STIL: variants seen among roughly 807,000 people sequenced by gnomAD.
STIL encodes SCL-interrupting locus protein.
In STIL, 55 loss-of-function variants were observed where a neutral mutation model predicts 110.1. The ratio of observed to expected loss-of-function variants is 0.50; its 90% CI spans 0.40 to 0.63. The LOEUF (loss-of-function observed/expected upper bound fraction) is 0.63. Among genes scored for constraint, STIL ranks in the 20% least tolerant of loss-of-function variants. The pLI, the probability that STIL is intolerant of heterozygous loss-of-function variation, is 0.00. For synonymous variants in STIL, 481 were observed against 530.0 expected (o/e 0.91, Z 1.27); for missense variants, 1,358 against 1,530.0 (o/e 0.89, Z 1.87).
chr1:47,277,491 G>A (rs114842985), intron 12 of STIL, among the ~76,000 whole-genome samples: 3,582 of 152,190 alleles, frequency 0.024, 140 homozygotes, highest in African/African-American at 0.081. Flanking sequence ...AAACAACGAC[G>A]GTATGGTGTT....
chr1:47,261,632 T>G (rs962656901), intron 15 of STIL, among the ~76,000 whole-genome samples: 2 of 151,596 alleles, frequency 1.3e-5, no homozygotes, highest in African/African-American at 4.9e-5. Context: ...CCCAGCTACT[T>G]GAAAGGCTGA....
At chr1:47,273,896 T>C (rs1644911510) in intron 12 of STIL, among the ~76,000 whole-genome samples, 1 of 152,220 alleles carries the variant, frequency 6.6e-6, no homozygotes, top group South Asian at 2.1e-4. Flanking sequence ...ATGGCATGTG[T>C]ATTTATAGTG....
intron 2 of STIL, among the ~76,000 whole-genome samples, chr1:47,308,700 T>C (rs1646037948): frequency 6.6e-6 from 1 of 151,876 alleles, no homozygotes; most frequent in Non-Finnish European, 1.5e-5. Context: ...ACCTATTATT[T>C]GATAGCACAG....
In STIL at chr1:47,262,968, C is replaced by T. The variant is rs1557710415; in HGVS notation, c.2764G>A (p.Glu922Lys). ...NSETSEEPKIEHVMQPLLHQP... is the reference protein window; with the variant it reads ...NSETSEEPKIKHVMQPLLHQP... ...TGAAGCAAGGGTTGCATTACATGCT[C>T]AATTTTTGGTTCCTCTGATGTTTCA... The change falls in exon 15 of 17, where the codon GAG becomes AAG. Residue 922 changes from glutamate to lysine, a missense_variant. Transcript: ENST00000371877. The T allele has an allele frequency of 6.2e-7, 1 of 1,614,110 alleles. No homozygotes were observed. Among genetic ancestry groups the T allele is most frequent in the Non-Finnish European group, 8.5e-7 (1 of 1,180,026 alleles).
Position 47,290,378 on chromosome 1 carries a change from T to G in STIL, c.873-793A>C, listed in dbSNP as rs141026985. Among the ~76,000 whole-genome samples the G allele has an allele frequency of 4.6e-3, 703 of 152,148 alleles. 2 individuals carry two copies. The highest frequency in any genetic ancestry group is 0.015 in the African/African-American group (621 of 41,488). On this transcript the variant is annotated intron_variant, in intron 8 of 16. Coordinates refer to ENST00000371877, the MANE Select transcript of STIL (RefSeq NM_001048166.1). The stretch of plus-strand genomic sequence containing the variant: ...TTCTCTATGTATTTTACATTATATA[T>G]ATAGAGAGAGAGCTTGCTAGCACAA...
At chr1:47,264,403 A>C (rs1299692540) in intron 14 of STIL, among the ~76,000 whole-genome samples, 6 of 152,224 alleles carry the variant, frequency 3.9e-5, no homozygotes, top group African/African-American at 1.4e-4. Flanking sequence ...ATCTCAACAA[A>C]AGATTTAAGA....
Position 47,295,773 on chromosome 1 carries a change from C to T in STIL, c.777G>A (p.Leu259=). The change falls in exon 7 of 17, where the codon TTG becomes TTA. Residue 259 remains leucine, a synonymous_variant. Coordinates refer to ENST00000371877, the MANE Select transcript of STIL (RefSeq NM_001048166.1). ...ESDPKVYSLP[L]VGIWLSGITH... is the part of the protein sequence containing the mutation. ...AATAATGTAATACTTACATTCCCAC[C>T]AATGGTAGAGAATAAACCTTGGGAT... 6.2e-7 allele frequency: 1 copy of T among 1,609,198 alleles called. No homozygotes were observed.
Position 47,289,423 on chromosome 1 carries a change from G to A in STIL, c.1023+12C>T, listed in dbSNP as rs1645410086. The A allele has an allele frequency of 6.2e-7, 1 of 1,612,922 alleles. No homozygotes were observed. The highest frequency in any genetic ancestry group is 1.1e-5 in the South Asian group (1 of 90,988). On this transcript the variant is annotated intron_variant, in intron 9 of 16. Transcript: ENST00000371877. ...AACAGTCACTAATGTACTAGACAATGAAATCACTTACTTTGAAAAGATGTA... is the reference window on the plus strand; with the variant it reads ...AACAGTCACTAATGTACTAGACAATAAAATCACTTACTTTGAAAAGATGTA...
intron 12 of STIL, among the ~76,000 whole-genome samples, chr1:47,276,098 G>A (rs796409078): frequency 3.9e-4 from 59 of 151,948 alleles, no homozygotes; most frequent in African/African-American, 1.3e-3. Flanking sequence ...CGCCTCTGAG[G>A]TTCAAGCGAT....
In STIL at chr1:47,296,050, C is replaced by A. The variant is rs77958283; in HGVS notation, c.702-202G>T. On this transcript the variant is annotated intron_variant, in intron 6 of 16. Coordinates refer to ENST00000371877, the MANE Select transcript of STIL (RefSeq NM_001048166.1). ...GGAAGAGATTAAAGAGATTTAATAC[C>A]TTAAAACTTCCATCTATCAATTAAA... Among the ~76,000 whole-genome samples, 777 of 152,200 alleles carry A rather than the reference C, an allele frequency of 5.1e-3. 14 individuals are homozygous for A. The highest frequency in any genetic ancestry group is 0.018 in the African/African-American group (733 of 41,526).
intron 6 of STIL, among the ~76,000 whole-genome samples, chr1:47,297,833 C>T (rs1449579259): frequency 6.6e-6 from 1 of 152,074 alleles, no homozygotes; most frequent in East Asian, 1.9e-4. Flanking sequence ...TACTGAACAT[C>T]CTGGTTATTA....
chr1:47,286,544 T>TA (rs999699173), intron 10 of STIL, among the ~76,000 whole-genome samples: 7 of 150,538 alleles, frequency 4.6e-5, no homozygotes, highest in Admixed American at 1.3e-4. Flanking sequence ...CCGTCTCTAC[T>TA]AAAAAAAATA....
intron 7 of STIL, among the ~76,000 whole-genome samples, chr1:47,293,772 C>T (rs1255262933): frequency 1.3e-5 from 2 of 149,556 alleles, no homozygotes; most frequent in African/African-American, 2.4e-5. Context: ...AGATATATAT[C>T]GAGAGAGAGA....
intron 2 of STIL, among the ~76,000 whole-genome samples, 192 bp downstream of exon 2, chr1:47,310,084 C>T (rs1646078133): frequency 6.6e-6 from 1 of 152,198 alleles, no homozygotes; most frequent in Non-Finnish European, 1.5e-5. Context: ...TTACCATCCT[C>T]ATTTTACAGA....
intron 16 of STIL, among the ~76,000 whole-genome samples, chr1:47,260,055 T>G (rs964323267): frequency 6.6e-6 from 1 of 152,134 alleles, no homozygotes; most frequent in African/African-American, 2.4e-5. Flanking sequence ...CTCAAATTAC[T>G]TATGTATGTA....
intron 13 of STIL, among the ~76,000 whole-genome samples, chr1:47,271,683 G>A (rs1446843717): frequency 6.6e-6 from 1 of 151,734 alleles, no homozygotes; most frequent in African/African-American, 2.4e-5. Flanking sequence ...GCTCACGCCT[G>A]TAATCCCAAC....
At chr1:47,303,654 C>T (rs1340378150) in intron 3 of STIL, among the ~76,000 whole-genome samples, 1 of 152,022 alleles carries the variant, frequency 6.6e-6, no homozygotes, top group Non-Finnish European at 1.5e-5. Flanking sequence ...ACAAAGGAAA[C>T]TACTCAAAAT....
intron 9 of STIL, among the ~76,000 whole-genome samples, chr1:47,287,952 G>A (rs1311969299): frequency 2.0e-5 from 3 of 149,430 alleles, no homozygotes; most frequent in Non-Finnish European, 3.0e-5. Flanking sequence ...TAAAATGATA[G>A]GTATAAAATA....
At chr1:47,279,444 A>C (rs1282170388) in intron 12 of STIL, among the ~76,000 whole-genome samples, 2 of 152,088 alleles carry the variant, frequency 1.3e-5, no homozygotes, top group Admixed American at 1.3e-4. Flanking sequence ...TGGAGGAAGG[A>C]CGTCAGTGAG....
Sources: gnomAD v4.1 joint callset for allele counts (sites outside exome capture counted in the v4.1 genomes callset) on GRCh38, gnomAD v4.1.1 for gene constraint, MANE v1.5 for transcripts, NCBI Gene and HGNC (gene_info 2026-07-23, HGNC 2026-07-21) for gene names.